OPCML: variants seen among roughly 807,000 people sequenced by gnomAD.
The protein encoded by OPCML is opioid binding protein/cell adhesion molecule like.
Under a neutral mutation model 37.8 loss-of-function variants are expected in OPCML, and 13 were observed. The ratio of observed to expected loss-of-function variants is 0.34; its 90% CI spans 0.22 to 0.55. The LOEUF (loss-of-function observed/expected upper bound fraction) is 0.55. Ranked by LOEUF, OPCML falls within the 20% of genes least tolerant of loss-of-function variation. The probability of loss-of-function intolerance (pLI) is 0.91; values close to 1 mark genes in which losing one functional copy is unlikely to be tolerated. For missense variants in OPCML, 341 were observed against 435.6 expected (o/e 0.78, Z 1.93); for synonymous variants, 176 against 168.8 (o/e 1.04, Z -0.33).
At chr11:132,464,358 G>A (rs2096112974) in intron 4 of OPCML, among the ~76,000 whole-genome samples, 1 of 152,088 alleles carries the variant, frequency 6.6e-6, no homozygotes, top group Admixed American at 6.5e-5. Flanking sequence ...ACATTATACT[G>A]TATATGTACT....
At chr11:132,912,768 T>C (rs1434436176) in intron 2 of OPCML, among the ~76,000 whole-genome samples, 1 of 152,148 alleles carries the variant, frequency 6.6e-6, no homozygotes, top group Non-Finnish European at 1.5e-5. Context: ...CATCGCTCCA[T>C]ATTCCATGTG....
intron 1 of OPCML, among the ~76,000 whole-genome samples, chr11:133,201,181 T>C (rs1938768881): frequency 6.6e-6 from 1 of 152,130 alleles, no homozygotes; most frequent in Admixed American, 6.5e-5. Flanking sequence ...TATCAGGTAT[T>C]ATGCTGATTA....
chr11:133,442,726 C>CGTGTGTGA (rs1946388628), intron 1 of OPCML, among the ~76,000 whole-genome samples: 1 of 141,350 alleles, frequency 7.1e-6, no homozygotes, highest in Non-Finnish European at 1.5e-5. Flanking sequence ...CATATTTAAA[C>CGTGTGTGA]GTGTGTGTGT....
intron 2 of OPCML, among the ~76,000 whole-genome samples, chr11:132,781,493 C>T (rs898496817): frequency 6.6e-6 from 1 of 151,946 alleles, no homozygotes; most frequent in Non-Finnish European, 1.5e-5. Flanking sequence ...TGCAGCTTGC[C>T]CACTGTGGAC....
chr11:133,252,975 G>T (rs1230356), intron 1 of OPCML, among the ~76,000 whole-genome samples: 1 of 151,918 alleles, frequency 6.6e-6, no homozygotes, highest in African/African-American at 2.4e-5. Flanking sequence ...GTGAAACCCC[G>T]TCTCTACTAA....
chr11:132,461,341 G>A (rs1047834196), intron 4 of OPCML, among the ~76,000 whole-genome samples: 1 of 152,112 alleles, frequency 6.6e-6, no homozygotes, highest in Non-Finnish European at 1.5e-5. Flanking sequence ...AATTAATCAT[G>A]CCTAGGATAT....
intron 1 of OPCML, among the ~76,000 whole-genome samples, chr11:133,027,547 G>A (rs140184792): frequency 6.9e-4 from 101 of 146,268 alleles, no homozygotes; most frequent in African/African-American, 1.2e-3. Context: ...AATGTGTTAC[G>A]TGTGTAGTGG....
chr11:133,084,927 A>G (rs1948796559), intron 1 of OPCML, among the ~76,000 whole-genome samples: 1 of 152,212 alleles, frequency 6.6e-6, no homozygotes, highest in African/African-American at 2.4e-5. Flanking sequence ...CATATTGTTC[A>G]TCTGTTCAAA....
chr11:132,909,716 A>T (rs1338011825), intron 2 of OPCML, among the ~76,000 whole-genome samples: 1 of 152,212 alleles, frequency 6.6e-6, no homozygotes, highest in African/African-American at 2.4e-5. Flanking sequence ...TTGGGGCCCA[A>T]GAAATGCCAA....
intron 4 of OPCML, among the ~76,000 whole-genome samples, chr11:132,478,935 C>G (rs531275837): frequency 6.6e-5 from 10 of 152,244 alleles, no homozygotes; most frequent in African/African-American, 2.2e-4. Flanking sequence ...TACTCATCAG[C>G]TGAACATGTA....
chr11:133,286,211 G>C (rs1056785264), intron 1 of OPCML, among the ~76,000 whole-genome samples: 1 of 152,122 alleles, frequency 6.6e-6, no homozygotes, highest in Admixed American at 6.5e-5. Flanking sequence ...AGCACTTTGG[G>C]AGGCCGAGGT....
chr11:133,493,338 A>G (rs1947707670), intron 1 of OPCML, among the ~76,000 whole-genome samples: 1 of 152,256 alleles, frequency 6.6e-6, no homozygotes. Flanking sequence ...CACAAATGAC[A>G]TACAACTGTA....
At chr11:133,152,570 T>TCC (rs11458795) in intron 1 of OPCML, among the ~76,000 whole-genome samples, 170 of 150,510 alleles carry the variant, frequency 1.1e-3, no homozygotes, top group Middle Eastern at 6.8e-3. Flanking sequence ...TCCCTCCTGA[T>TCC]CCCCCCCCAA....
chr11:133,116,499 A>G (rs532523802), intron 1 of OPCML, among the ~76,000 whole-genome samples: 2 of 152,158 alleles, frequency 1.3e-5, no homozygotes, highest in Admixed American at 6.5e-5. Context: ...TTTCTTTTAA[A>G]CCTTAAGTAT....
chr11:133,082,935 G>A (rs1266801519), intron 1 of OPCML, among the ~76,000 whole-genome samples: 2 of 150,586 alleles, frequency 1.3e-5, no homozygotes, highest in African/African-American at 4.9e-5. Flanking sequence ...GGCCGGGGCG[G>A]ACGTCGCGCC....
At chr11:133,471,066 TTG>T (rs1440163219) in intron 1 of OPCML, among the ~76,000 whole-genome samples, 1 of 152,196 alleles carries the variant, frequency 6.6e-6, no homozygotes, top group African/African-American at 2.4e-5. Context: ...ATCCCTGTCC[TTG>T]AAGACATCAG....
intron 1 of OPCML, among the ~76,000 whole-genome samples, chr11:133,237,026 G>C (rs1410831276): frequency 6.6e-6 from 1 of 152,222 alleles, no homozygotes; most frequent in Non-Finnish European, 1.5e-5. Flanking sequence ...TTATGTTCAA[G>C]TGCTGTTTCT....
At chr11:132,599,136 A>G (rs182402286) in intron 3 of OPCML, among the ~76,000 whole-genome samples, 114 of 152,240 alleles carry the variant, frequency 7.5e-4, no homozygotes, top group Non-Finnish European at 1.5e-3. Flanking sequence ...AAAATTAGCC[A>G]GGAGTGGTGG....
At chr11:132,857,261 G>A (rs1942093287) in intron 2 of OPCML, among the ~76,000 whole-genome samples, 1 of 152,044 alleles carries the variant, frequency 6.6e-6, no homozygotes, top group Non-Finnish European at 1.5e-5. Context: ...TGTGATTAAT[G>A]GCCATTTGTA....
Sources: gnomAD v4.1 joint callset for allele counts (sites outside exome capture counted in the v4.1 genomes callset) on GRCh38, gnomAD v4.1.1 for gene constraint, MANE v1.5 for transcripts, NCBI Gene and HGNC (gene_info 2026-07-23, HGNC 2026-07-21) for gene names.